ASAP1: variants seen among roughly 807,000 people sequenced by gnomAD.
ASAP1 encodes the protein arf-GAP with SH3 domain, ANK repeat and PH domain-containing protein 1.
In ASAP1, 43 loss-of-function variants were observed where a neutral mutation model predicts 145.2. The ratio of observed to expected loss-of-function variants is 0.30; its 90% CI spans 0.23 to 0.38. The LOEUF (loss-of-function observed/expected upper bound fraction) is 0.38, where lower values mean the gene tolerates loss of function less well. Among genes scored for constraint, ASAP1 ranks in the 10% least tolerant of loss-of-function variants. The pLI, the probability that ASAP1 is intolerant of heterozygous loss-of-function variation, is 1.00. For missense variants in ASAP1, 1,018 were observed against 1,355.3 expected (o/e 0.75, Z 3.91); for synonymous variants, 546 against 515.5 (o/e 1.06, Z -0.80).
intron 1 of ASAP1, among the ~76,000 whole-genome samples, chr8:130,407,769 C>A (rs1287108392): frequency 6.6e-6 from 1 of 152,210 alleles, no homozygotes; most frequent in Non-Finnish European, 1.5e-5. Flanking sequence ...GGTACATAAA[C>A]CCTTCTTTAT....
chr8:130,356,966 C>A (rs192007607), intron 3 of ASAP1, among the ~76,000 whole-genome samples: 69 of 152,328 alleles, frequency 4.5e-4, no homozygotes, highest in African/African-American at 1.6e-3. Context: ...CATCTCCCTT[C>A]CTACTTTCCA....
At chr8:130,269,636 T>C (rs1328812213) in intron 3 of ASAP1, among the ~76,000 whole-genome samples, 1 of 152,242 alleles carries the variant, frequency 6.6e-6, no homozygotes, top group Non-Finnish European at 1.5e-5. Flanking sequence ...TTGATAACTA[T>C]GTGTGACTGT....
At chr8:130,375,439 A>C (rs1367760064) in intron 2 of ASAP1, among the ~76,000 whole-genome samples, 1 of 151,932 alleles carries the variant, frequency 6.6e-6, no homozygotes, top group East Asian at 1.9e-4. Flanking sequence ...TCATGCCTGT[A>C]ATCCCAGCAA....
intron 2 of ASAP1, among the ~76,000 whole-genome samples, chr8:130,366,039 G>A (rs1309581092): frequency 6.6e-6 from 1 of 152,198 alleles, no homozygotes; most frequent in Non-Finnish European, 1.5e-5. Context: ...TTCCCAAGCA[G>A]TTAGGTGACT....
chr8:130,432,744 G>T (rs543830758), intron 1 of ASAP1, among the ~76,000 whole-genome samples: 1 of 152,138 alleles, frequency 6.6e-6, no homozygotes, highest in East Asian at 1.9e-4. Context: ...CTTCCTACAT[G>T]TCTCTTTTTA....
chr8:130,077,743 G>A (rs1215845537), intron 26 of ASAP1, among the ~76,000 whole-genome samples: 1 of 152,078 alleles, frequency 6.6e-6, no homozygotes, highest in South Asian at 2.1e-4. Flanking sequence ...GATGAAAGGT[G>A]TGTGCTCCTT....
intron 1 of ASAP1, among the ~76,000 whole-genome samples, chr8:130,415,477 T>TA (rs1309946902): frequency 6.6e-6 from 1 of 151,584 alleles, no homozygotes; most frequent in East Asian, 1.9e-4. Flanking sequence ...CCCTGTCTCT[T>TA]AAAAAAACAA....
intron 3 of ASAP1, among the ~76,000 whole-genome samples, chr8:130,260,348 T>G (rs998964495): frequency 6.6e-6 from 1 of 152,236 alleles, no homozygotes; most frequent in African/African-American, 2.4e-5. Flanking sequence ...TTATACTCAC[T>G]GCAGTTCAGC....
chr8:130,157,561 TTG>T (rs2097660465), intron 12 of ASAP1, among the ~76,000 whole-genome samples: 1 of 152,162 alleles, frequency 6.6e-6, no homozygotes, highest in African/African-American at 2.4e-5. Flanking sequence ...CCAAAACATG[TTG>T]GATTATGTCA....
At chr8:130,132,565 G>A (rs2097584856) in intron 15 of ASAP1, among the ~76,000 whole-genome samples, 1 of 152,140 alleles carries the variant, frequency 6.6e-6, no homozygotes, top group Non-Finnish European at 1.5e-5. Flanking sequence ...AGGAAACCAT[G>A]AGGGTGTGTG....
chr8:130,068,738 A>G (rs532591472), intron 27 of ASAP1, among the ~76,000 whole-genome samples: 2 of 152,306 alleles, frequency 1.3e-5, no homozygotes, highest in African/African-American at 4.8e-5. Context: ...GTCCAACTCT[A>G]CCTACAAATG....
At chr8:130,199,363 T>C (rs1374405446) in intron 5 of ASAP1, among the ~76,000 whole-genome samples, 8 of 152,200 alleles carry the variant, frequency 5.3e-5, no homozygotes, top group Non-Finnish European at 8.8e-5. Flanking sequence ...CTCTGAAACA[T>C]CAAGTGTTAT....
rs1314844215 is a variant in ASAP1, at chr8:130,214,549, G to A, written c.405+7C>T. 1 of 1,591,638 alleles carries A rather than the reference G, an allele frequency of 6.3e-7. No homozygotes were observed. The highest frequency in any genetic ancestry group is 1.4e-5 in the African/African-American group (1 of 73,354). ...AATTCTTTTTACTCACATATGAAAT[G>A]TCTTACCAGATTTTTCAGCAGTGTG... On this transcript the variant is annotated splice_region_variant and intron_variant, in intron 5 of 29. Coordinates refer to ENST00000518721, the MANE Select transcript of ASAP1 (RefSeq NM_018482.4).
chr8:130,243,113 C>T (rs1818639888), intron 3 of ASAP1, among the ~76,000 whole-genome samples: 1 of 152,112 alleles, frequency 6.6e-6, no homozygotes, highest in African/African-American at 2.4e-5. Flanking sequence ...AGCTGCAGGC[C>T]TCCTCACTTC....
At chr8:130,070,185 C>T (rs569224653) in intron 27 of ASAP1, among the ~76,000 whole-genome samples, 2 of 152,264 alleles carry the variant, frequency 1.3e-5, no homozygotes, top group South Asian at 4.1e-4. Flanking sequence ...TACAGGCGCC[C>T]GTCACCATGC....
intron 5 of ASAP1, among the ~76,000 whole-genome samples, chr8:130,213,750 G>A (rs1816722331): frequency 6.6e-6 from 1 of 152,146 alleles, no homozygotes; most frequent in South Asian, 2.1e-4. Context: ...TCACTGGGTG[G>A]CTCTTAGAGA....
intron 29 of ASAP1, 130 bp downstream of exon 29, chr8:130,057,824 G>T: frequency 8.5e-7 from 1 of 1,182,334 alleles, no homozygotes. Context: ...TGTTGGGTGA[G>T]TGATGCAGCT....
chr8:130,162,674 C>T (rs1394193203), intron 11 of ASAP1, among the ~76,000 whole-genome samples: 7 of 151,940 alleles, frequency 4.6e-5, no homozygotes, highest in East Asian at 1.9e-4. Flanking sequence ...AAAAATTAGC[C>T]GGGCGTGGTG....
chr8:130,256,761 A>ATATATATATATATATATATCCT (rs1819581354), intron 3 of ASAP1, among the ~76,000 whole-genome samples: 1 of 98,150 alleles, frequency 1.0e-5, no homozygotes, highest in African/African-American at 3.5e-5. Flanking sequence ...ATATATATAT[A>ATATATATATATATATATATCCT]TATATATATA....
Sources: gnomAD v4.1 joint callset for allele counts (sites outside exome capture counted in the v4.1 genomes callset) on GRCh38, gnomAD v4.1.1 for gene constraint, MANE v1.5 for transcripts, NCBI Gene and HGNC (gene_info 2026-07-23, HGNC 2026-07-21) for gene names.